PLXDC2: variants seen among roughly 807,000 people sequenced by gnomAD.
PLXDC2 encodes the protein plexin domain containing 2, also known as plexin domain-containing protein 2.
Under a neutral mutation model 68.9 loss-of-function variants are expected in PLXDC2, and 40 were observed. The ratio of observed to expected loss-of-function variants is 0.58; its 90% CI spans 0.45 to 0.76. The LOEUF (loss-of-function observed/expected upper bound fraction) is 0.76, where lower values mean the gene tolerates loss of function less well. PLXDC2 is among the 30% of genes least tolerant of loss of function. PLXDC2 has a pLI of 0.00. For missense variants in PLXDC2, 644 were observed against 661.9 expected (o/e 0.97, Z 0.30); for synonymous variants, 243 against 234.2 (o/e 1.04, Z -0.34).
At chr10:20,017,264 G>T (rs1564658084) in intron 2 of PLXDC2, among the ~76,000 whole-genome samples, 1 of 152,128 alleles carries the variant, frequency 6.6e-6, no homozygotes, top group Non-Finnish European at 1.5e-5. Context: ...GGGGGCAGGG[G>T]CCACTGGGCA....
intron 1 of PLXDC2, among the ~76,000 whole-genome samples, chr10:19,992,043 G>T (rs945796940): frequency 2.6e-5 from 4 of 152,220 alleles, no homozygotes; most frequent in Admixed American, 2.6e-4. Flanking sequence ...GAATAGCAGT[G>T]TGAAAGTGTT....
At chr10:20,082,065 A>G (rs1836572520) in intron 4 of PLXDC2, among the ~76,000 whole-genome samples, 1 of 46,820 alleles carries the variant, frequency 2.1e-5, no homozygotes, top group Non-Finnish European at 3.6e-5. Flanking sequence ...AAAAAAAATC[A>G]AAAAAAAAAA....
At chr10:20,228,397 C>CA (rs1424269855) in intron 12 of PLXDC2, among the ~76,000 whole-genome samples, 4 of 151,554 alleles carry the variant, frequency 2.6e-5, no homozygotes, top group Non-Finnish European at 2.9e-5. Flanking sequence ...CCTGTCTCTA[C>CA]AAAAAAATAC....
intron 9 of PLXDC2, among the ~76,000 whole-genome samples, chr10:20,209,539 G>A (rs1438559619): frequency 7.0e-6 from 1 of 143,560 alleles, no homozygotes; most frequent in Non-Finnish European, 1.5e-5. Context: ...TAAAAAAAAA[G>A]AATTCAGTGA....
At chr10:19,901,085 A>G (rs995190186) in intron 1 of PLXDC2, among the ~76,000 whole-genome samples, 2 of 151,704 alleles carry the variant, frequency 1.3e-5, no homozygotes, top group African/African-American at 4.8e-5. Flanking sequence ...ATTGATGGAC[A>G]TTTGGGCTGG....
chr10:19,851,231 A>G (rs760190590), intron 1 of PLXDC2, among the ~76,000 whole-genome samples: 3 of 152,184 alleles, frequency 2.0e-5, no homozygotes. Flanking sequence ...AAAGGAATAA[A>G]GTAACATAGA....
chr10:20,117,348 G>A (rs79238278), intron 4 of PLXDC2, among the ~76,000 whole-genome samples: 1,899 of 152,196 alleles, frequency 0.012, 32 homozygotes, highest in African/African-American at 0.04. Context: ...CTCTCAAACC[G>A]ACTTATAACT....
intron 12 of PLXDC2, among the ~76,000 whole-genome samples, chr10:20,229,132 A>T (rs1424600616): frequency 6.6e-6 from 1 of 152,126 alleles, no homozygotes; most frequent in South Asian, 2.1e-4. Flanking sequence ...GAGTCAAAAG[A>T]TGACTGGGAG....
chr10:20,069,254 T>G (rs1283702701), intron 4 of PLXDC2, among the ~76,000 whole-genome samples: 1 of 152,176 alleles, frequency 6.6e-6, no homozygotes, highest in Non-Finnish European at 1.5e-5. Flanking sequence ...GGAAGTTTTT[T>G]GAGCACCAAC....
chr10:20,131,498 C>T (rs187712299), intron 4 of PLXDC2, among the ~76,000 whole-genome samples: 143 of 152,206 alleles, frequency 9.4e-4, no homozygotes, highest in African/African-American at 3.0e-3. Flanking sequence ...CTCCTGAGTT[C>T]GAGCAATTCT....
At chr10:19,836,716 T>C (rs150050209) in intron 1 of PLXDC2, among the ~76,000 whole-genome samples, 9 of 152,344 alleles carry the variant, frequency 5.9e-5, no homozygotes, top group Middle Eastern at 3.4e-3. Context: ...ATAATTTGTT[T>C]AGTTTCAGCC....
Position 20,122,752 on chromosome 10 carries a change from C to A in PLXDC2, c.542-20543C>A, listed in dbSNP as rs550526218. ...GGAGGCAAGGAATTGCAACTTTTTTCTACTATTGTACACCTTGAAGGCGAG... is the reference window on the plus strand; with the variant it reads ...GGAGGCAAGGAATTGCAACTTTTTTATACTATTGTACACCTTGAAGGCGAG... On this transcript the variant is annotated intron_variant, in intron 4 of 13. Coordinates refer to ENST00000377252, the MANE Select transcript of PLXDC2 (RefSeq NM_032812.9). Among the ~76,000 whole-genome samples the A allele has an allele frequency of 3.3e-5, 5 of 152,148 alleles. No homozygotes were observed. The South Asian group carries it at 1.0e-3, about 32-fold the overall frequency.
intron 12 of PLXDC2, among the ~76,000 whole-genome samples, chr10:20,241,479 T>C (rs1237806083): frequency 1.3e-5 from 2 of 152,176 alleles, no homozygotes; most frequent in African/African-American, 4.8e-5. Flanking sequence ...TCTCCATTCC[T>C]GCATACACAA....
chr10:20,081,057 G>T (rs1160767250), intron 4 of PLXDC2, among the ~76,000 whole-genome samples: 1 of 152,164 alleles, frequency 6.6e-6, no homozygotes, highest in Admixed American at 6.5e-5. Context: ...GAAACTCCCG[G>T]ATGGCTCTGC....
At chr10:20,014,754 A>T (rs990821893) in intron 2 of PLXDC2, among the ~76,000 whole-genome samples, 7 of 152,170 alleles carry the variant, frequency 4.6e-5, no homozygotes, top group Non-Finnish European at 7.4e-5. Context: ...ATTTTAAAAA[A>T]TTTTGCTTTG....
chr10:20,185,780 C>A (rs1210471498), intron 9 of PLXDC2, among the ~76,000 whole-genome samples: 1 of 151,756 alleles, frequency 6.6e-6, no homozygotes, highest in Non-Finnish European at 1.5e-5. Flanking sequence ...AAATTCATAC[C>A]TAATAATCAA....
chr10:19,987,494 G>T (rs1180287618), intron 1 of PLXDC2, among the ~76,000 whole-genome samples: 1 of 151,878 alleles, frequency 6.6e-6, no homozygotes, highest in Non-Finnish European at 1.5e-5. Context: ...AAATATTAAG[G>T]TACACTTGCC....
At chr10:19,853,146 A>G (rs1179566191) in intron 1 of PLXDC2, among the ~76,000 whole-genome samples, 2 of 152,216 alleles carry the variant, frequency 1.3e-5, no homozygotes, top group African/African-American at 4.8e-5. Context: ...GGAAGGGACA[A>G]GGTATCTAAT....
intron 4 of PLXDC2, among the ~76,000 whole-genome samples, chr10:20,094,400 C>T (rs1318545793): frequency 1.3e-5 from 2 of 152,036 alleles, no homozygotes; most frequent in African/African-American, 2.4e-5. Context: ...TAATACACAA[C>T]CTCATATGGG....
Sources: allele counts gnomAD v4.1 joint callset (sites outside exome capture counted in the v4.1 genomes callset), GRCh38; gene constraint gnomAD v4.1.1; transcripts MANE v1.5; gene names NCBI Gene and HGNC (gene_info 2026-07-23, HGNC 2026-07-21).